ANO10: variants seen among roughly 807,000 people sequenced by gnomAD.
ANO10 encodes anoctamin-10.
In ANO10, 77 loss-of-function variants were observed where a neutral mutation model predicts 74.7. That is an observed-to-expected ratio of 1.03 (90% CI 0.86 to 1.25). The LOEUF (loss-of-function observed/expected upper bound fraction) is 1.25. Among genes scored for constraint, ANO10 ranks in the 50% most tolerant of loss-of-function variants. The pLI is 0.00. For synonymous variants in ANO10, 279 were observed against 284.9 expected (o/e 0.98, Z 0.21); for missense variants, 721 against 778.1 (o/e 0.93, Z 0.87).
chr3:43,536,184 T>C (rs1332437722), intron 11 of ANO10, among the ~76,000 whole-genome samples: 1 of 152,248 alleles, frequency 6.6e-6, no homozygotes, highest in African/African-American at 2.4e-5. Context: ...TTTAAAATGC[T>C]TCTTTCAATT....
intron 11 of ANO10, among the ~76,000 whole-genome samples, chr3:43,514,145 A>T (rs2077619082): frequency 6.6e-6 from 1 of 151,900 alleles, no homozygotes; most frequent in Admixed American, 6.6e-5. Context: ...AATCATATCA[A>T]TAATCAGATT....
chr3:43,639,978 A>C (rs764061393), intron 1 of ANO10, among the ~76,000 whole-genome samples: 4 of 152,170 alleles, frequency 2.6e-5, no homozygotes, highest in Non-Finnish European at 5.9e-5. Context: ...AAGCAAGCCT[A>C]GTCCTGAGAG....
At chr3:43,581,643 A>AG (rs963608817) in intron 4 of ANO10, among the ~76,000 whole-genome samples, 39 of 152,316 alleles carry the variant, frequency 2.6e-4, no homozygotes, top group African/African-American at 9.4e-4. Context: ...AAATTTGGCC[A>AG]GGCACAGTGA....
intron 12 of ANO10, among the ~76,000 whole-genome samples, chr3:43,402,243 C>T (rs897256533): frequency 7.2e-5 from 11 of 152,284 alleles, no homozygotes; most frequent in South Asian, 4.1e-4. Flanking sequence ...GAAAGAATGA[C>T]ACCCTCAGCC....
intron 4 of ANO10, among the ~76,000 whole-genome samples, chr3:43,596,896 A>T (rs1441696449): frequency 6.6e-6 from 1 of 152,184 alleles, no homozygotes; most frequent in Admixed American, 6.5e-5. Flanking sequence ...GAATCTACAA[A>T]GAACTTAAAC....
Position 43,474,717 on chromosome 3 carries a change from T to G in ANO10, c.1798-41990A>C, listed in dbSNP as rs572079827. The stretch of plus-strand genomic sequence containing the variant: ...TGAATACATGTATTTGATTTTTATG[T>G]TTAAAGAAATTTGCATTTATGGTCA... On this transcript the variant is annotated intron_variant, in intron 11 of 12. Transcript: ENST00000292246. 1.5e-4 allele frequency among the ~76,000 whole-genome samples: 23 copies of G among 152,326 alleles called. No individual in the cohort carries two copies. In the East Asian group the frequency reaches 4.2e-3, roughly 28 times the overall value.
In ANO10 at chr3:43,629,007, C is replaced by A. The variant is rs925110832; in HGVS notation, c.-11-23144G>T. 2.0e-5 allele frequency among the ~76,000 whole-genome samples: 3 copies of A among 152,114 alleles called. No homozygotes were observed. The South Asian group carries it at 6.2e-4, about 32-fold the overall frequency. On this transcript the variant is annotated intron_variant, in intron 1 of 3. Transcript: ENST00000413397. ...TTGTGAAGTACGTGATCTCTGTGAC[C>A]CACACCTATTCGCACACTCCCTCCC... is the stretch of plus-strand genomic sequence containing the variant.
intron 4 of ANO10, among the ~76,000 whole-genome samples, chr3:43,596,784 G>A (rs922412776): frequency 3.3e-5 from 5 of 152,180 alleles, no homozygotes; most frequent in African/African-American, 9.7e-5. Context: ...AAACCAAAGA[G>A]CTTCTGCACA....
chr3:43,417,251 A>G (rs2092753642), intron 12 of ANO10, among the ~76,000 whole-genome samples: 1 of 152,206 alleles, frequency 6.6e-6, no homozygotes, highest in Non-Finnish European at 1.5e-5. Flanking sequence ...GGCATATTCA[A>G]AATGGTGGCT....
At chr3:43,370,789 G>A (rs746119656) in intron 12 of ANO10, among the ~76,000 whole-genome samples, 41 of 152,230 alleles carry the variant, frequency 2.7e-4, no homozygotes, top group Non-Finnish European at 4.6e-4. Flanking sequence ...ATCATTATTA[G>A]TAATGATTAT....
At chr3:43,432,581 T>A in intron 12 of ANO10, 30 bp downstream of exon 12, 1 of 1,485,000 alleles carries the variant, frequency 6.7e-7, no homozygotes, top group Non-Finnish European at 9.4e-7. Context: ...GCTAAAGCAA[T>A]ACATACATTT....
intron 1 of ANO10, among the ~76,000 whole-genome samples, chr3:43,651,365 C>T (rs375183804): frequency 9.2e-5 from 14 of 152,128 alleles, no homozygotes; most frequent in African/African-American, 3.4e-4. Flanking sequence ...CACCGTAAAA[C>T]TACAGAATTC....
At chr3:43,367,207 G>A (rs2091442741) in intron 12 of ANO10, among the ~76,000 whole-genome samples, 1 of 152,180 alleles carries the variant, frequency 6.6e-6, no homozygotes, top group African/African-American at 2.4e-5. Flanking sequence ...GGGATTTTAA[G>A]GACACTGAAA....
intron 12 of ANO10, among the ~76,000 whole-genome samples, chr3:43,425,391 A>G (rs565259918): frequency 6.6e-6 from 1 of 151,986 alleles, no homozygotes; most frequent in East Asian, 1.9e-4. Flanking sequence ...AGTTCTTACG[A>G]AATGTTGAAA....
intron 1 of ANO10, among the ~76,000 whole-genome samples, chr3:43,668,529 ATGT>A (rs1422699205): frequency 6.6e-6 from 1 of 151,730 alleles, no homozygotes; most frequent in Non-Finnish European, 1.5e-5. Flanking sequence ...GTTTTTTCTG[ATGT>A]TATCTTCTAG....
intron 12 of ANO10, among the ~76,000 whole-genome samples, chr3:43,423,108 A>T (rs370454072): frequency 1.3e-4 from 19 of 142,640 alleles, no homozygotes; most frequent in African/African-American, 4.6e-4. Context: ...TCACAGTCAG[A>T]TTTTTTTTGG....
At chr3:43,368,421 C>T (rs1177900911) in intron 12 of ANO10, among the ~76,000 whole-genome samples, 1 of 152,174 alleles carries the variant, frequency 6.6e-6, no homozygotes, top group Non-Finnish European at 1.5e-5. Flanking sequence ...ATTTCTATAA[C>T]CTTCATCCTG....
At chr3:43,559,195 A>C (rs527946085) in intron 9 of ANO10, among the ~76,000 whole-genome samples, 1 of 152,326 alleles carries the variant, frequency 6.6e-6, no homozygotes, top group Non-Finnish European at 1.5e-5. Flanking sequence ...AAAAGAGGTA[A>C]GATCTGAGAT....
chr3:43,380,369 G>A (rs2091925569), intron 12 of ANO10, among the ~76,000 whole-genome samples: 1 of 152,276 alleles, frequency 6.6e-6, no homozygotes, highest in African/African-American at 2.4e-5. Context: ...TTATCACTTA[G>A]GGACATAGTC....
Sources: gnomAD v4.1 joint callset for allele counts (sites outside exome capture counted in the v4.1 genomes callset) on GRCh38, gnomAD v4.1.1 for gene constraint, MANE v1.5 for transcripts, NCBI Gene and HGNC (gene_info 2026-07-23, HGNC 2026-07-21) for gene names.